Variants in LEKR1 observed in about 807,000 individuals in gnomAD.
LEKR1 encodes the protein protein LEKR1.
A neutral mutation model predicts 72.4 loss-of-function variants in LEKR1; 59 were observed. That is an observed-to-expected ratio of 0.82 (90% CI 0.66 to 1.01). LEKR1 has a LOEUF of 1.01. Ranked by LOEUF, LEKR1 falls within the 50% of genes least tolerant of loss-of-function variation. The probability of loss-of-function intolerance (pLI) is 0.00; values close to 1 mark genes in which losing one functional copy is unlikely to be tolerated. For missense variants in LEKR1, 728 were observed against 759.2 expected, an observed-to-expected ratio of 0.96 and a Z score of 0.48; for synonymous variants, 257 against 263.2, an observed-to-expected ratio of 0.98 and a Z score of 0.23.
chr3:156,949,673 ATT>A (rs1726984183), intron 6 of LEKR1, among the ~76,000 whole-genome samples: 1 of 151,204 alleles, frequency 6.6e-6, no homozygotes, highest in African/African-American at 2.4e-5. Flanking sequence ...TTTCACAAGG[ATT>A]TTACAAGAAT....
chr3:156,988,032 C>A (rs939336298), intron 7 of LEKR1: 1 of 152,134 alleles, frequency 6.6e-6, no homozygotes, highest in Non-Finnish European at 1.5e-5. Flanking sequence ...TAAACTAAAC[C>A]AAAAACCACT....
At chr3:156,922,415 GAAAA>G (rs757159527) in intron 4 of LEKR1, among the ~76,000 whole-genome samples, 2 of 137,772 alleles carry the variant, frequency 1.5e-5, no homozygotes, top group African/African-American at 2.7e-5. Context: ...AATGTGGGAT[GAAAA>G]AAAAAAAAGA....
chr3:156,993,416 T>C (rs77626414), intron 9 of LEKR1, 139 bp downstream of exon 9: 41,189 of 494,788 alleles, frequency 0.083, 1,922 homozygotes, highest in African/African-American at 0.12. Flanking sequence ...TACAAGGTCA[T>C]TGCATCCCAC....
intron 2 of LEKR1, among the ~76,000 whole-genome samples, chr3:156,836,113 C>T (rs942769859): frequency 2.2e-4 from 34 of 151,838 alleles, no homozygotes; most frequent in African/African-American, 7.7e-4. Context: ...CTCAGGTGAC[C>T]CCACCCACCT....
chr3:156,844,288 A>C (rs977703308), intron 2 of LEKR1, among the ~76,000 whole-genome samples: 20 of 152,156 alleles, frequency 1.3e-4, no homozygotes, highest in Admixed American at 9.8e-4. Flanking sequence ...TTTTAAAATT[A>C]AACTTCTTAT....
At chr3:156,968,091 CA>C (rs1336894479) in intron 6 of LEKR1, among the ~76,000 whole-genome samples, 4 of 152,046 alleles carry the variant, frequency 2.6e-5, no homozygotes, top group African/African-American at 9.7e-5. Context: ...ATTTTGTCAC[CA>C]CCAGGCCTGC....
chr3:156,890,777 G>A (rs1388156229), intron 3 of LEKR1, among the ~76,000 whole-genome samples: 3 of 151,984 alleles, frequency 2.0e-5, no homozygotes, highest in South Asian at 2.1e-4. Context: ...TAATGCTTAA[G>A]CAGCATTATT....
At chr3:156,854,060 A>C (rs961727819) in intron 3 of LEKR1, among the ~76,000 whole-genome samples, 1 of 151,588 alleles carries the variant, frequency 6.6e-6, no homozygotes, top group Admixed American at 6.6e-5. Flanking sequence ...ACTGGTACCC[A>C]GCTGATTGTA....
chr3:157,030,962 C>T (rs1272698896), intron 12 of LEKR1, among the ~76,000 whole-genome samples: 2 of 152,178 alleles, frequency 1.3e-5, no homozygotes, highest in African/African-American at 2.4e-5. Context: ...AGTCTTTTTG[C>T]AACCTAATCT....
intron 4 of LEKR1, among the ~76,000 whole-genome samples, chr3:156,922,629 T>C (rs1317951980): frequency 1.3e-5 from 2 of 152,218 alleles, no homozygotes; most frequent in South Asian, 2.1e-4. Context: ...GTGTTTTCCC[T>C]GACATCATTT....
chr3:156,850,685 A>C (rs909062973), intron 2 of LEKR1, among the ~76,000 whole-genome samples: 1 of 152,214 alleles, frequency 6.6e-6, no homozygotes, highest in East Asian at 1.9e-4. Flanking sequence ...TTACAGGCCC[A>C]GTTGGCTCAT....
At chr3:156,850,902 A>G (rs915537047) in intron 2 of LEKR1, among the ~76,000 whole-genome samples, 2 of 152,218 alleles carry the variant, frequency 1.3e-5, no homozygotes, top group Non-Finnish European at 2.9e-5. Flanking sequence ...GCACTGCAGT[A>G]TTTTTAAAAT....
intron 2 of LEKR1, among the ~76,000 whole-genome samples, chr3:156,831,520 A>T (rs1007215072): frequency 1.3e-5 from 2 of 152,206 alleles, no homozygotes; most frequent in Admixed American, 6.5e-5. Flanking sequence ...TAATAAAGAC[A>T]TACCTGAGAC....
intron 5 of LEKR1, among the ~76,000 whole-genome samples, chr3:156,936,466 C>CACACACACACACACACACA (rs71931633): frequency 1.7e-5 from 1 of 57,280 alleles, no homozygotes; most frequent in African/African-American, 3.4e-5. Context: ...CACACACACA[C>CACACACACACACACACACA]CCCCCGTATG....
intron 9 of LEKR1, among the ~76,000 whole-genome samples, chr3:157,007,016 G>C (rs1013811779): frequency 6.6e-6 from 1 of 152,016 alleles, no homozygotes; most frequent in East Asian, 1.9e-4. Flanking sequence ...TGGCTAACAC[G>C]ACGAAACCCC....
intron 9 of LEKR1, among the ~76,000 whole-genome samples, chr3:156,996,588 G>C (rs1426583863): frequency 6.6e-6 from 1 of 152,224 alleles, no homozygotes; most frequent in East Asian, 1.9e-4. Flanking sequence ...TTGGCAATGG[G>C]AGCAAGTCAG....
At chr3:156,854,268 C>G (rs1456271920) in intron 3 of LEKR1, among the ~76,000 whole-genome samples, 3 of 150,718 alleles carry the variant, frequency 2.0e-5, no homozygotes, top group African/African-American at 7.3e-5. Context: ...GTCAGCCTCA[C>G]AAGTAGCTGG....
intron 3 of LEKR1, among the ~76,000 whole-genome samples, chr3:156,893,539 G>A (rs13321802): frequency 0.33 from 50,427 of 151,706 alleles, 10,862 homozygotes; most frequent in African/African-American, 0.61. Context: ...TCATGACTGA[G>A]TTGATTCTGT....
In LEKR1 at chr3:156,899,701, C is replaced by CGCATATATACACATATATACAT. The variant is rs869147934; in HGVS notation, c.264-20834_264-20813dup. Among the ~76,000 whole-genome samples the CGCATATATACACATATATACAT allele has an allele frequency of 5.2e-4, 28 of 53,918 alleles. 1 individual carries two copies. The highest frequency in any genetic ancestry group is 1.8e-3 in the African/African-American group (27 of 15,324). 35.4% of individuals were successfully genotyped at this position (53,918 alleles called of 152,430 possible). On this transcript the variant is annotated intron_variant, in intron 3 of 12. Transcript: ENST00000356539. Reference sequence around the variant, plus strand: ...ACACGCATATATACACATATATACACGCATATATACACATATATACATGCA... The same window carrying CGCATATATACACATATATACAT: ...ACACGCATATATACACATATATACACGCATATATACACATATATACATGCATATATACACATATATACATGCA...
Sources: gnomAD v4.1 joint callset for allele counts (sites outside exome capture counted in the v4.1 genomes callset) on GRCh38, gnomAD v4.1.1 for gene constraint, MANE v1.5 for transcripts, NCBI Gene and HGNC (gene_info 2026-07-23, HGNC 2026-07-21) for gene names.